The following JADE3 variants were observed in gnomAD, a reference collection of about 807,000 sequenced individuals.
JADE3 encodes protein Jade-3.
In JADE3, 2 loss-of-function variants were observed where a neutral mutation model predicts 50.1. That is an observed-to-expected ratio of 0.04 (90% CI 0.02 to 0.13). The LOEUF (loss-of-function observed/expected upper bound fraction) is 0.13, where lower values mean the gene tolerates loss of function less well. Ranked by LOEUF, JADE3 falls within the 10% of genes least tolerant of loss-of-function variation. The pLI is 1.00. For missense variants in JADE3, 475 were observed against 634.4 expected, an observed-to-expected ratio of 0.75 and a Z score of 2.70; for synonymous variants, 218 against 232.9, an observed-to-expected ratio of 0.94 and a Z score of 0.58.
intron 8 of JADE3, among the ~76,000 whole-genome samples, chrX:47,044,240 C>T (rs1321935441): frequency 1.8e-5 from 2 of 111,565 alleles, no homozygotes; most frequent in Non-Finnish European, 3.8e-5. Flanking sequence ...AATAATCAAA[C>T]TCCCAAAGGT....
rs1929710376 is a variant in JADE3 at position 47,059,299 on chromosome X, C to T, written c.*222C>T. ...TGTCCAGAGGTTGGTTTGTCAGAGG[C>T]TATTGGGAACAGCTGGGCCCAGGGT... On this transcript the variant is annotated 3_prime_UTR_variant, in exon 11 of 11. Coordinates refer to ENST00000614628, the MANE Select transcript of JADE3 (RefSeq NM_014735.5). The T allele has an allele frequency of 1.4e-5, 5 of 365,897 alleles. No homozygotes were observed. The allele number at this position is 365,897 out of a possible 1,213,427, so 30.2% of individuals were successfully genotyped here.
At chrX:47,031,029 G>A (rs978859024) in intron 6 of JADE3, among the ~76,000 whole-genome samples, 2 of 107,922 alleles carry the variant, frequency 1.9e-5, no homozygotes, top group Admixed American at 9.9e-5. Flanking sequence ...CAGCCTGGGC[G>A]ACAGAGTGAG....
At chrX:47,010,905 G>A (rs1556361446) in intron 4 of JADE3, among the ~76,000 whole-genome samples, 2 of 111,423 alleles carry the variant, frequency 1.8e-5, no homozygotes, top group Admixed American at 9.6e-5. Flanking sequence ...CAGGGTTGAC[G>A]TCTGGTGAGG....
chrX:47,023,430 G>T (rs1928840477), intron 4 of JADE3, among the ~76,000 whole-genome samples: 1 of 111,587 alleles, frequency 9.0e-6, no homozygotes, highest in Non-Finnish European at 1.9e-5. Context: ...CCATGTCCCT[G>T]CAAAGGACAT....
chrX:46,983,791 T>TG (rs1324336822), intron 1 of JADE3, among the ~76,000 whole-genome samples: 3 of 111,781 alleles, frequency 2.7e-5, no homozygotes, highest in Admixed American at 9.5e-5. Context: ...TTTAAATGGT[T>TG]GGTTTTTTTT....
At chrX:47,019,222 G>A (rs186018202) in intron 4 of JADE3, among the ~76,000 whole-genome samples, 35 of 111,921 alleles carry the variant, frequency 3.1e-4, no homozygotes, top group Admixed American at 1.2e-3. Flanking sequence ...GCAGAAGAAT[G>A]TGGGATTTGG....
intron 4 of JADE3, among the ~76,000 whole-genome samples, chrX:47,006,820 T>A (rs1928436713): frequency 9.0e-6 from 1 of 111,227 alleles, no homozygotes; most frequent in African/African-American, 3.3e-5. Flanking sequence ...ATGTTGAATT[T>A]CATTTTCGTT....
At chrX:46,929,486 T>G (rs1278068204) in intron 1 of JADE3, among the ~76,000 whole-genome samples, 3 of 111,665 alleles carry the variant, frequency 2.7e-5, no homozygotes, top group Non-Finnish European at 5.6e-5. Flanking sequence ...TCTAGGCTAC[T>G]TTCTTCCCAT....
chrX:46,928,761 G>GGTTTT lies in JADE3; in HGVS notation c.-12+16068_-12+16072dup, dbSNP rs781885491. Among the ~76,000 whole-genome samples the GGTTTT allele has an allele frequency of 1.3e-3, 144 of 110,327 alleles. 1 individual carries two copies. Among genetic ancestry groups the GGTTTT allele is most frequent in the African/African-American group, 2.9e-3 (88 of 30,346 alleles). ...ACCATGCCTAGCTAATTAAATGGTG[G>GGTTTT]GTTTTGTTTTGTTTTGTTTTGTTTT... On this transcript the variant is annotated intron_variant, in intron 1 of 10. Coordinates refer to ENST00000614628, the MANE Select transcript of JADE3 (RefSeq NM_014735.5).
In JADE3 at chrX:47,042,513, C is replaced by A. The variant is rs138709822; in HGVS notation, c.972+3448C>A. 8.7e-3 allele frequency among the ~76,000 whole-genome samples: 977 copies of A among 111,795 alleles called. 15 individuals are homozygous for A. Among genetic ancestry groups the A allele is most frequent in the African/African-American group, 0.03 (920 of 30,794 alleles). ...CTCATTTGCAGAGCAATGATTCTTA[C>A]TTTCATTACTTGAGTTCAGCTTCTT... On this transcript the variant is annotated intron_variant, in intron 8 of 10. Coordinates refer to ENST00000614628, the MANE Select transcript of JADE3 (RefSeq NM_014735.5).
intron 1 of JADE3, among the ~76,000 whole-genome samples, chrX:46,977,375 A>G (rs1452722278): frequency 8.9e-6 from 1 of 111,953 alleles, no homozygotes; most frequent in African/African-American, 3.2e-5. Flanking sequence ...AACAACAGCT[A>G]CTAAATGAGT....
chrX:47,031,379 T>C (rs1330337249), intron 6 of JADE3, among the ~76,000 whole-genome samples: 3 of 111,726 alleles, frequency 2.7e-5, no homozygotes, highest in Non-Finnish European at 3.8e-5. Flanking sequence ...GCTTCAGTTC[T>C]TGAGCTAAAT....
chrX:46,964,172 A>G (rs1301326941), intron 1 of JADE3, among the ~76,000 whole-genome samples: 1 of 111,946 alleles, frequency 8.9e-6, no homozygotes, highest in East Asian at 2.8e-4. Flanking sequence ...TCAGTCATTA[A>G]TCCTGGATCC....
chrX:47,000,842 C>T (rs1928266356), intron 4 of JADE3, among the ~76,000 whole-genome samples: 1 of 111,972 alleles, frequency 8.9e-6, no homozygotes, highest in Admixed American at 9.5e-5. Flanking sequence ...TGAGCCCCCG[C>T]CCTCAGCCTA....
intron 8 of JADE3, among the ~76,000 whole-genome samples, 155 bp downstream of exon 8, chrX:47,039,220 T>G (rs1556368985): frequency 9.0e-6 from 1 of 111,271 alleles, no homozygotes; most frequent in African/African-American, 3.3e-5. Context: ...TGGAAATCCC[T>G]TTTTTGGATA....
chrX:46,946,966 T>C (rs782638989), intron 1 of JADE3, among the ~76,000 whole-genome samples: 2 of 112,285 alleles, frequency 1.8e-5, no homozygotes, highest in South Asian at 7.4e-4. Flanking sequence ...ATGATTCTCA[T>C]GTTTGATGCC....
chrX:46,998,986 C>T (rs782022156), intron 4 of JADE3, among the ~76,000 whole-genome samples: 6 of 111,145 alleles, frequency 5.4e-5, no homozygotes, highest in Admixed American at 9.6e-5. Context: ...CCTGAGCCAC[C>T]GCGCCTGGCC....
chrX:47,053,850 G>A (rs992532499), intron 8 of JADE3, among the ~76,000 whole-genome samples: 1 of 111,927 alleles, frequency 8.9e-6, no homozygotes, highest in African/African-American at 3.2e-5. Context: ...TGATGTGGGA[G>A]ACACAGAGAA....
At position 47,019,251 on chromosome X, in the gene JADE3, G is replaced by A. The variant is rs1038363241; in HGVS notation, c.285-5473G>A. On this transcript the variant is annotated intron_variant, in intron 4 of 10. Transcript: ENST00000614628. The stretch of plus-strand genomic sequence containing the variant: ...GATTTGGAAAATACCATCTGTCGCA[G>A]GGGTTATCATTGTCCTTTGTTTTGA... 2.7e-5 allele frequency among the ~76,000 whole-genome samples: 3 copies of A among 111,977 alleles called. No individual in the cohort carries two copies. In the Admixed American group the frequency reaches 2.8e-4, roughly 11 times the overall value.
Sources: allele counts gnomAD v4.1 joint callset (sites outside exome capture counted in the v4.1 genomes callset), GRCh38; gene constraint gnomAD v4.1.1; transcripts MANE v1.5; gene names NCBI Gene and HGNC (gene_info 2026-07-23, HGNC 2026-07-21).